Variants in MYMK observed in about 807,000 individuals in gnomAD.
MYMK encodes myomaker, myoblast fusion factor, also known as protein myomaker.
MYMK carries 16 observed loss-of-function variants against 22.4 expected under a neutral mutation model. That is an observed-to-expected ratio of 0.72 (90% CI 0.48 to 1.09). The LOEUF is 1.09. Among genes scored for constraint, MYMK ranks in the 50% least tolerant of loss-of-function variants. The pLI is 0.00. For synonymous variants in MYMK, 125 were observed against 127.0 expected (o/e 0.98, Z 0.11); for missense variants, 250 against 295.6 (o/e 0.85, Z 1.13).
rs919389593 is a variant in MYMK, at chr9:133,520,348, C to T, written c.136-60G>A. The T allele has an allele frequency of 6.1e-5, 85 of 1,393,078 alleles. 1 individual carries two copies. The highest frequency in any genetic ancestry group is 2.7e-4 in the African/African-American group (19 of 70,334). The allele number at this position is 1,393,078 out of a possible 1,614,324, so 86.3% of individuals were successfully genotyped here. A position where few individuals can be genotyped will look rare whatever the true frequency, so the allele number is the denominator to read the frequency against. On this transcript the variant is annotated intron_variant, in intron 1 of 4. Transcript: ENST00000339996. ...GAGGCCAGAGCTGGTCCCCGAGCCACGGCCCCCAGAGTGCCAGGTCACTTG... is the reference window on the plus strand; with the variant it reads ...GAGGCCAGAGCTGGTCCCCGAGCCATGGCCCCCAGAGTGCCAGGTCACTTG...
chr9:133,518,936 A>G lies in MYMK; in HGVS notation c.337T>C (p.Trp113Arg). Residue 113 changes from tryptophan to arginine, a missense_variant, in exon 3 of 5, where the codon TGG becomes CGG. Physicochemically the swap from Trp to Arg is moderately radical, Grantham distance 101. Transcript: ENST00000339996. Reference protein sequence around the residue: ...TIAVRIYHDRWGYGVYSGPIG... With the variant: ...TIAVRIYHDRRGYGVYSGPIG... Reference sequence around the variant, plus strand: ...GGGCCCGAGTACACCCCGTAGCCCCATCGGTCATGGTAGATCCGCACAGCA... The same window carrying G: ...GGGCCCGAGTACACCCCGTAGCCCCGTCGGTCATGGTAGATCCGCACAGCA... The G allele has an allele frequency of 6.2e-7, 1 of 1,613,912 alleles. No individual in the cohort carries two copies. The highest frequency in any genetic ancestry group is 8.5e-7 in the Non-Finnish European group (1 of 1,180,006).
intron 1 of MYMK, among the ~76,000 whole-genome samples, chr9:133,523,682 G>GGAGAGAGAGAGAGAGAGAGA (rs35845164): frequency 2.6e-4 from 32 of 121,530 alleles, no homozygotes; most frequent in African/African-American, 9.0e-4. Flanking sequence ...AGAGATAGAT[G>GGAGAGAGAGAGAGAGAGAGA]GAGAGAGAGA....
chr9:133,518,503 C>T (rs1224105461), intron 3 of MYMK, among the ~76,000 whole-genome samples: 2 of 152,234 alleles, frequency 1.3e-5, no homozygotes, highest in Non-Finnish European at 2.9e-5. Context: ...CTCTTATGTG[C>T]GGAGCACATT....
At chr9:133,524,367 G>A (rs570887949) in intron 1 of MYMK, among the ~76,000 whole-genome samples, 51 of 152,126 alleles carry the variant, frequency 3.4e-4, no homozygotes, top group African/African-American at 1.2e-3. Flanking sequence ...AGGGGAGGTG[G>A]CCCCATGGGC....
At chr9:133,516,226 C>T (rs1046869571) in intron 3 of MYMK, among the ~76,000 whole-genome samples, 2 of 152,358 alleles carry the variant, frequency 1.3e-5, no homozygotes, top group Admixed American at 6.5e-5. Flanking sequence ...TCCCTGGAGC[C>T]GGCCTTGTGT....
At position 133,515,172 on chromosome 9, in the gene MYMK, C is replaced by T. The variant is rs1394755934; in HGVS notation, c.516+319G>A. On this transcript the variant is annotated intron_variant, in intron 4 of 4. Transcript: ENST00000339996. The surrounding 1 kb of genome is among the most constrained non-coding windows in gnomAD (Gnocchi z 5.8). ...CTTCCCTGTCTCCTCCCCTCCCTCCCTCCCTCCTCCAGGTGTTGGGCACCT... is the reference window on the plus strand; with the variant it reads ...CTTCCCTGTCTCCTCCCCTCCCTCCTTCCCTCCTCCAGGTGTTGGGCACCT... 6.6e-6 allele frequency among the ~76,000 whole-genome samples: 1 copy of T among 151,990 alleles called. No individual in the cohort carries two copies. The highest frequency in any genetic ancestry group is 1.5e-5 in the Non-Finnish European group (1 of 67,964).
At position 133,514,604 on chromosome 9, in the gene MYMK, G is replaced by A. The variant is rs1320474810; in HGVS notation, c.*32C>T. ...CTCTGGCCAAGTGTGAGCTGGGGAG[G>A]GCAGGGGCTCAGAGCCGGGCTGGGC... On this transcript the variant is annotated 3_prime_UTR_variant, in exon 5 of 5. Coordinates refer to ENST00000339996, the MANE Select transcript of MYMK (RefSeq NM_001080483.3). 1.9e-6 allele frequency: 3 copies of A among 1,599,576 alleles called. No homozygotes were observed. The highest frequency in any genetic ancestry group is 2.2e-5 in the East Asian group (1 of 44,452).
chr9:133,523,537 G>GT (rs1245683251), intron 1 of MYMK, among the ~76,000 whole-genome samples: 2 of 152,174 alleles, frequency 1.3e-5, no homozygotes, highest in Admixed American at 1.3e-4. Flanking sequence ...GAGTCCAGGA[G>GT]TGAGGGCATG....
At chr9:133,523,409 C>T (rs1055015499) in intron 1 of MYMK, among the ~76,000 whole-genome samples, 2 of 151,940 alleles carry the variant, frequency 1.3e-5, no homozygotes, top group Admixed American at 6.5e-5. Context: ...GCTAGTGGGA[C>T]GCTTGCCTCC....
rs1564483627 is a variant in MYMK at position 133,515,583 on chromosome 9, C to T, written c.424G>A (p.Gly142Ser). The T allele has an allele frequency of 6.2e-7, 1 of 1,613,460 alleles. No homozygotes were observed. Among genetic ancestry groups the T allele is most frequent in the Admixed American group, 1.7e-5 (1 of 59,998 alleles). The stretch of plus-strand genomic sequence containing the variant: ...TAGACGCTCTTGTCTGGGTACAGGC[C>T]CTTCTTCTCCTTCATCTTCTGTAGC... ...KWLQKMKEKK[G>S]LYPDKSVYTQ... Residue 142 changes from glycine (G) to serine (S), a missense_variant, in exon 4 of 5, where the codon GGC (glycine) becomes AGC (serine). Coordinates refer to ENST00000339996, the MANE Select transcript of MYMK (RefSeq NM_001080483.3). This position sits in a 1 kb window ranked among gnomAD's most constrained non-coding sequence, Gnocchi z 5.8.
At chr9:133,514,845 C>T in intron 4 of MYMK, 60 bp from the exon 5 acceptor site, 9 of 1,564,238 alleles carry the variant, frequency 5.8e-6, no homozygotes, top group East Asian at 2.3e-5. Flanking sequence ...TCCTCCCTCT[C>T]CAAGACCCAG....
At chr9:133,514,860 G>T in intron 4 of MYMK, 75 bp from the exon 5 acceptor site, 1 of 1,459,812 alleles carries the variant, frequency 6.9e-7, no homozygotes, top group Non-Finnish European at 9.2e-7. Context: ...ACCCAGCAGA[G>T]CCCCTTCAGG....
rs1458175512 is a variant in MYMK, at chr9:133,515,868, C to T, written c.400-261G>A. ...GGCCATGTGCCCCACAAAGACCCCG[C>T]TGCCCTCCCGCCTCTTTGAGATGTA... On this transcript the variant is annotated intron_variant, in intron 3 of 4. Coordinates refer to ENST00000339996, the MANE Select transcript of MYMK (RefSeq NM_001080483.3). This position sits in a 1 kb window ranked among gnomAD's most constrained non-coding sequence, Gnocchi z 5.8. Among the ~76,000 whole-genome samples, 24 of 152,224 alleles carry T rather than the reference C, an allele frequency of 1.6e-4. No individual in the cohort carries two copies. Among genetic ancestry groups the T allele is most frequent in the Non-Finnish European group, 1.5e-5 (1 of 68,030 alleles).
At chr9:133,523,275 C>T (rs528599876) in intron 1 of MYMK, among the ~76,000 whole-genome samples, 1 of 152,398 alleles carries the variant, frequency 6.6e-6, no homozygotes, top group East Asian at 1.9e-4. Flanking sequence ...TCAGGACTCC[C>T]TCTGTGCACT....
At chr9:133,517,687 C>A (rs990941199) in intron 3 of MYMK, among the ~76,000 whole-genome samples, 6 of 121,346 alleles carry the variant, frequency 4.9e-5, no homozygotes, top group African/African-American at 6.4e-5. Flanking sequence ...AAAAAAAAGT[C>A]AGGTTCTGGC....
intron 1 of MYMK, among the ~76,000 whole-genome samples, chr9:133,522,345 G>T (rs1333971212): frequency 6.6e-6 from 1 of 150,700 alleles, no homozygotes; most frequent in East Asian, 1.9e-4. Context: ...GTGGCTGTCG[G>T]GGGGGGGCCT....
chr9:133,518,829 C>T lies in MYMK; in HGVS notation c.399+45G>A, dbSNP rs375973805. ...GAGGAGTCAGACAGGGGAGAGGTGACGGGCCTCCTGGGTCCCCGTTCATCG... is the reference window on the plus strand; with the variant it reads ...GAGGAGTCAGACAGGGGAGAGGTGATGGGCCTCCTGGGTCCCCGTTCATCG... On this transcript the variant is annotated intron_variant, in intron 3 of 4. Coordinates refer to ENST00000339996, the MANE Select transcript of MYMK (RefSeq NM_001080483.3). 128 of 1,580,904 alleles carry T rather than the reference C, an allele frequency of 8.1e-5. 1 individual carries two copies. Among genetic ancestry groups the T allele is most frequent in the Middle Eastern group, 3.5e-4 (2 of 5,770 alleles).
At chr9:133,522,328 C>A (rs1355653233) in intron 1 of MYMK, among the ~76,000 whole-genome samples, 1 of 112,246 alleles carries the variant, frequency 8.9e-6, no homozygotes, top group Non-Finnish European at 1.9e-5. Flanking sequence ...AGTGGGGGCT[C>A]AGGTGAGTGG....
In MYMK at chr9:133,524,769, C is replaced by T. The variant is rs1484781981; in HGVS notation, c.76G>A (p.Ala26Thr). 2 of 1,614,182 alleles carry T rather than the reference C, an allele frequency of 1.2e-6. No homozygotes were observed. The highest frequency in any genetic ancestry group is 8.5e-7 in the Non-Finnish European group (1 of 1,180,034). ...GCCTCCATGTGGAACCGCCTCTTGGCCGCGATGCTGACAGTGGGGAGGAAG... is the reference window on the plus strand; with the variant it reads ...GCCTCCATGTGGAACCGCCTCTTGGTCGCGATGCTGACAGTGGGGAGGAAG... ...LAFLPTVSIA[A>T]KRRFHMEAMV... is the part of the protein sequence containing the mutation. Residue 26 changes from alanine to threonine, a missense_variant, in exon 1 of 5, where the codon GCC (alanine) becomes ACC (threonine). Transcript: ENST00000339996.
Sources: allele counts gnomAD v4.1 joint callset (sites outside exome capture counted in the v4.1 genomes callset), GRCh38; gene constraint gnomAD v4.1.1; non-coding constraint Gnocchi (gnomAD v3.1); transcripts MANE v1.5; gene names NCBI Gene and HGNC (gene_info 2026-07-23, HGNC 2026-07-21).